LINGO2: variants seen among roughly 807,000 people sequenced by gnomAD.
LINGO2 encodes leucine-rich repeat and immunoglobulin-like domain-containing nogo receptor-interacting protein 2.
A neutral mutation model predicts 30.6 loss-of-function variants in LINGO2; 14 were observed. The ratio of observed to expected loss-of-function variants is 0.46; its 90% CI spans 0.30 to 0.72. The LOEUF is 0.72. LINGO2 is among the 30% of genes least tolerant of loss of function. LINGO2 has a pLI of 0.07. For missense variants in LINGO2, 729 were observed against 751.7 expected (o/e 0.97, Z 0.35); for synonymous variants, 317 against 288.5 (o/e 1.10, Z -1.00).
intron 4 of LINGO2, among the ~76,000 whole-genome samples, chr9:28,255,206 T>A (rs1054846156): frequency 6.6e-6 from 1 of 152,002 alleles, no homozygotes; most frequent in Non-Finnish European, 1.5e-5. Flanking sequence ...GCTCTCTCTC[T>A]CTCTTTCTTT....
At chr9:29,109,688 T>C in the LINGO2 span, among the ~76,000 whole-genome samples, 1 of 152,234 alleles carries the variant, frequency 6.6e-6, no homozygotes, top group Non-Finnish European at 1.5e-5. Context: ...TAGGTAGCCA[T>C]ATACCATCTT....
chr9:29,191,698 A>G, the LINGO2 span, among the ~76,000 whole-genome samples: 2 of 152,162 alleles, frequency 1.3e-5, no homozygotes. Context: ...AGCACAACTC[A>G]AAAACCAGAC....
intron 4 of LINGO2, among the ~76,000 whole-genome samples, chr9:28,043,808 C>T (rs1824298225): frequency 6.6e-6 from 1 of 152,152 alleles, no homozygotes; most frequent in Non-Finnish European, 1.5e-5. Context: ...TATATATCTC[C>T]AGGAGCTATT....
intron 2 of LINGO2, among the ~76,000 whole-genome samples, chr9:28,411,990 C>T (rs901976415): frequency 7.9e-5 from 12 of 151,810 alleles, no homozygotes; most frequent in African/African-American, 2.9e-4. Flanking sequence ...ATTTTGGTTA[C>T]ATGGATGAAT....
intron 4 of LINGO2, among the ~76,000 whole-genome samples, chr9:28,111,483 A>G (rs1157561615): frequency 6.6e-5 from 10 of 152,114 alleles, no homozygotes; most frequent in African/African-American, 1.9e-4. Context: ...TTGTACAGAA[A>G]AAAAGGCTCT....
chr9:29,163,031 T>G, the LINGO2 span, among the ~76,000 whole-genome samples: 1 of 152,164 alleles, frequency 6.6e-6, no homozygotes, highest in Non-Finnish European at 1.5e-5. Context: ...TTATCTAAAT[T>G]TTATTTCCCC....
At chr9:28,349,098 T>C (rs1172721328) in intron 3 of LINGO2, among the ~76,000 whole-genome samples, 3 of 152,044 alleles carry the variant, frequency 2.0e-5, no homozygotes, top group Admixed American at 6.6e-5. Flanking sequence ...GCGCCTCTCC[T>C]CCTCCAAAGG....
chr9:28,994,769 A>G, the LINGO2 span, among the ~76,000 whole-genome samples: 1 of 152,236 alleles, frequency 6.6e-6, no homozygotes, highest in African/African-American at 2.4e-5. Context: ...GCAATGAGGA[A>G]AAGATTCCCT....
chr9:28,565,389 C>T (rs939287875), intron 1 of LINGO2, among the ~76,000 whole-genome samples: 1 of 151,346 alleles, frequency 6.6e-6, no homozygotes, highest in Non-Finnish European at 1.5e-5. Flanking sequence ...GGGGTTTCAC[C>T]ATGTTAGCCA....
chr9:28,988,464 C>T, the LINGO2 span, among the ~76,000 whole-genome samples: 1 of 151,946 alleles, frequency 6.6e-6, no homozygotes, highest in African/African-American at 2.4e-5. Context: ...ATAGTGGAGT[C>T]TTTAAAAAAA....
the LINGO2 span, among the ~76,000 whole-genome samples, chr9:28,726,007 T>A: frequency 6.6e-6 from 1 of 152,144 alleles, no homozygotes; most frequent in African/African-American, 2.4e-5. Context: ...AATATTTATA[T>A]ACAAGAATAC....
chr9:28,232,727 TTG>T (rs1821402527), intron 4 of LINGO2, among the ~76,000 whole-genome samples: 2 of 151,820 alleles, frequency 1.3e-5, no homozygotes, highest in Admixed American at 1.3e-4. Flanking sequence ...TCCTGTTTAA[TTG>T]AAACTTTGTA....
chr9:28,852,170 T>C, the LINGO2 span, among the ~76,000 whole-genome samples: 1 of 152,052 alleles, frequency 6.6e-6, no homozygotes, highest in East Asian at 1.9e-4. Flanking sequence ...GGGAAGAGGG[T>C]ATTGAAAATG....
chr9:28,963,401 T>C, the LINGO2 span, among the ~76,000 whole-genome samples: 7 of 151,888 alleles, frequency 4.6e-5, no homozygotes, highest in African/African-American at 1.4e-4. Context: ...ACTGGGTATG[T>C]ATCGAAAGGT....
the LINGO2 span, among the ~76,000 whole-genome samples, chr9:28,844,047 G>GA: frequency 6.6e-6 from 1 of 151,740 alleles, no homozygotes; most frequent in Non-Finnish European, 1.5e-5. Flanking sequence ...TATTTAAAAT[G>GA]AATTATTTCT....
the LINGO2 span, among the ~76,000 whole-genome samples, chr9:28,979,750 CA>C: frequency 6.6e-6 from 1 of 152,144 alleles, no homozygotes; most frequent in Non-Finnish European, 1.5e-5. Context: ...GTTTTCTTCA[CA>C]TTATGGATTT....
chr9:28,819,123 C>G, the LINGO2 span, among the ~76,000 whole-genome samples: 1 of 152,150 alleles, frequency 6.6e-6, no homozygotes, highest in Non-Finnish European at 1.5e-5. Context: ...TCCTCAGCAG[C>G]CTGTTCTCAG....
rs558612257 is a variant in LINGO2 at position 27,957,796 on chromosome 9, G to T, written c.-35-7090C>A. Among the ~76,000 whole-genome samples the T allele has an allele frequency of 5.3e-5, 8 of 152,286 alleles. No individual in the cohort carries two copies. The East Asian group carries it at 1.5e-3, about 29-fold the overall frequency. ...TTGATTAAATTAATAAATCTATGGA[G>T]AATCGATATTATAACAGTATTGAAC... On this transcript the variant is annotated intron_variant, in intron 5 of 5. Transcript: ENST00000379992.
chr9:28,375,052 C>G (rs1172754111), intron 2 of LINGO2, among the ~76,000 whole-genome samples: 1 of 150,516 alleles, frequency 6.6e-6, no homozygotes, highest in African/African-American at 2.4e-5. Flanking sequence ...ACACCCCACC[C>G]AAGAAATTCC....
Sources: gnomAD v4.1 joint callset for allele counts (sites outside exome capture counted in the v4.1 genomes callset) on GRCh38, gnomAD v4.1.1 for gene constraint, MANE v1.5 for transcripts, NCBI Gene and HGNC (gene_info 2026-07-23, HGNC 2026-07-21) for gene names.